The following CDH26 variants were observed in gnomAD, a reference collection of about 807,000 sequenced individuals.
The protein encoded by CDH26 is cadherin 26.
A neutral mutation model predicts 90.3 loss-of-function variants in CDH26; 83 were observed. The ratio of observed to expected loss-of-function variants is 0.92; its 90% CI spans 0.77 to 1.10. The LOEUF is 1.10. CDH26 is among the 50% of genes least tolerant of loss of function. The pLI is 0.00. For missense variants in CDH26, 1,013 were observed against 1,037.6 expected (o/e 0.98, Z 0.33); for synonymous variants, 397 against 396.3 (o/e 1.00, Z -0.02).
chr20:59,980,139 T>C (rs1266935765), intron 4 of CDH26, among the ~76,000 whole-genome samples: 1 of 152,212 alleles, frequency 6.6e-6, no homozygotes, highest in East Asian at 1.9e-4. Flanking sequence ...GTCAGGTTTT[T>C]TCAGTTTAGC....
At chr20:60,011,364 A>G (rs1456365135) in intron 17 of CDH26, among the ~76,000 whole-genome samples, 1 of 152,226 alleles carries the variant, frequency 6.6e-6, no homozygotes, top group African/African-American at 2.4e-5. Context: ...ATCAGCTCAC[A>G]TGTTAATTAG....
In CDH26 at chr20:59,987,516, C is replaced by T. The variant is rs11086690; in HGVS notation, c.901C>T (p.Arg301Ter). ...CGTGTTGCGTCTCCTGGTTCAAGATCGAGATTCTCCATTTACATCAGCTTG... is the reference window on the plus strand; with the variant it reads ...CGTGTTGCGTCTCCTGGTTCAAGATTGAGATTCTCCATTTACATCAGCTTG... ...QGVLRLLVQDRDSPFTSAWRA... is the reference protein window; with the variant it reads ...QGVLRLLVQD The change falls in exon 8 of 18, where the codon CGA becomes TGA. Residue 301 changes from arginine to a stop codon, truncating the protein, a stop_gained. Transcript: ENST00000348616. LOFTEE classifies it high-confidence loss of function. 1.9e-5 allele frequency: 30 copies of T among 1,613,650 alleles called. No homozygotes were observed. In the East Asian group the frequency reaches 5.8e-4, roughly 31 times the overall value.
At chr20:60,012,116 G>T (rs754166894) in intron 17 of CDH26, among the ~76,000 whole-genome samples, 1 of 152,010 alleles carries the variant, frequency 6.6e-6, no homozygotes, top group Admixed American at 6.5e-5. Flanking sequence ...GGAGAAAGGA[G>T]CCCACAGCAA....
intron 11 of CDH26, 25 bp downstream of exon 11, chr20:59,994,514 C>A (rs528212326): frequency 2.0e-5 from 32 of 1,609,296 alleles, no homozygotes; most frequent in Non-Finnish European, 2.6e-5. Context: ...TGGTTACGGG[C>A]AAAGAGTGGA....
rs575387971 is a variant in CDH26, at chr20:60,012,149, A to G, written c.2296-378A>G. 2.6e-5 allele frequency among the ~76,000 whole-genome samples: 4 copies of G among 151,930 alleles called. No homozygotes were observed. In the East Asian group the frequency reaches 7.8e-4, roughly 30 times the overall value. On this transcript the variant is annotated intron_variant, in intron 17 of 17. Transcript: ENST00000348616. ...CAAGAGGCCAGGTAAAGATGAAGAG[A>G]GAGGGGACAGTTGTCCAAACGAGGG... is the stretch of plus-strand genomic sequence containing the variant.
At position 59,987,492 on chromosome 20, in the gene CDH26, G is replaced by T; in HGVS notation, c.877G>T (p.Val293Leu). Residue 293 changes from valine to leucine, a missense_variant, in exon 8 of 18, where the codon GTG becomes TTG. Coordinates refer to ENST00000348616, the MANE Select transcript of CDH26 (RefSeq NM_177980.4). ...TCCTGAAGGCCGAGCCAGCCAGGGC[G>T]TGTTGCGTCTCCTGGTTCAAGATCG... ...QIPEGRASQG[V>L]LRLLVQDRDS... 6.2e-7 allele frequency: 1 copy of T among 1,613,328 alleles called. No individual in the cohort carries two copies. The highest frequency in any genetic ancestry group is 1.1e-5 in the South Asian group (1 of 90,882).
Position 59,992,455 on chromosome 20 carries a change from T to G in CDH26, c.1361T>G (p.Ile454Ser), listed in dbSNP as rs376611246. 8.1e-6 allele frequency: 13 copies of G among 1,613,988 alleles called. No individual in the cohort carries two copies. The highest frequency in any genetic ancestry group is 1.0e-5 in the Non-Finnish European group (12 of 1,179,986). ...NSGVVITVEPIDRESPHVNNS... is the reference protein window; with the variant it reads ...NSGVVITVEPSDRESPHVNNS... ...GGAGTGGTCATCACCGTGGAGCCAA[T>G]TGACCGAGAATCCCCTCATGTAAAT... The change falls in exon 10 of 18, where the codon ATT becomes AGT. Residue 454 changes from isoleucine to serine, a missense_variant. Coordinates refer to ENST00000348616, the MANE Select transcript of CDH26 (RefSeq NM_177980.4). The surrounding 1 kb of genome is among the most constrained non-coding windows in gnomAD (Gnocchi z 5.0).
intron 1 of CDH26, among the ~76,000 whole-genome samples, chr20:59,965,782 G>A (rs2061141159): frequency 6.6e-6 from 1 of 152,086 alleles, no homozygotes; most frequent in African/African-American, 2.4e-5. Flanking sequence ...TTTACTGGGT[G>A]GAATCTGAAA....
At chr20:59,983,342 AAG>A (rs1253397974) in intron 5 of CDH26, among the ~76,000 whole-genome samples, 2 of 152,186 alleles carry the variant, frequency 1.3e-5, no homozygotes, top group East Asian at 3.9e-4. Flanking sequence ...GTGAGGGAGA[AAG>A]AGCTGGGTGA....
chr20:60,030,430 C>T lies in CDH26; in HGVS notation c.948-801C>T, dbSNP rs2062031737. Among the ~76,000 whole-genome samples the T allele has an allele frequency of 6.6e-6, 1 of 151,310 alleles. No individual in the cohort carries two copies. Among genetic ancestry groups the T allele is most frequent in the African/African-American group, 2.4e-5 (1 of 41,116 alleles). ...GTTTTGTTTTTGTTTTTTTCAGTAT[C>T]CCTTCACCTTCTTCTAGGAAAACAT... On this transcript the variant is annotated intron_variant, in intron 7 of 8. Transcript: ENST00000370991. The surrounding 1 kb of genome is among the most constrained non-coding windows in gnomAD (Gnocchi z 4.0).
intron 16 of CDH26, among the ~76,000 whole-genome samples, chr20:60,005,562 C>G (rs2061737587): frequency 6.6e-6 from 1 of 152,024 alleles, no homozygotes; most frequent in South Asian, 2.1e-4. Context: ...CAGGCTTTAT[C>G]ATATTTTACA....
At position 59,996,268 on chromosome 20, in the gene CDH26, C is replaced by T. The variant is rs931086544; in HGVS notation, c.1888+214C>T. ...CTGGCCAGCAAAAGCAGCTTCTACT[C>T]ACAATGGAATCCACTGGTAAATATA... On this transcript the variant is annotated intron_variant, in intron 12 of 17. Transcript: ENST00000348616. 3 of 1,170,526 alleles carry T rather than the reference C, an allele frequency of 2.6e-6. No individual in the cohort carries two copies. In the Admixed American group the frequency reaches 8.7e-5, roughly 34 times the overall value. The allele number at this position is 1,170,526 out of a possible 1,614,324, so 72.5% of individuals were successfully genotyped here. A position where few individuals can be genotyped will look rare whatever the true frequency, so the allele number is the denominator to read the frequency against.
Position 59,988,998 on chromosome 20 carries a change from C to G in CDH26, c.1118C>G (p.Pro373Arg). 2 of 1,614,122 alleles carry G rather than the reference C, an allele frequency of 1.2e-6. No homozygotes were observed. Among genetic ancestry groups the G allele is most frequent in the Non-Finnish European group, 1.7e-6 (2 of 1,180,026 alleles). Reference protein sequence around the residue: ...LVFCERGKLQPPRKAAASATV... With the variant: ...LVFCERGKLQRPRKAAASATV... The stretch of plus-strand genomic sequence containing the variant: ...TTCTGTGAGAGAGGAAAGCTTCAGC[C>G]GCCAAGGAAGGCAGCAGCCAGCGCC... The change falls in exon 9 of 18, where the codon CCG becomes CGG. Residue 373 changes from proline (P) to arginine (R), a missense_variant. Transcript: ENST00000348616.
chr20:59,971,320 A>C (rs1211137031), intron 3 of CDH26, among the ~76,000 whole-genome samples: 1 of 152,164 alleles, frequency 6.6e-6, no homozygotes, highest in East Asian at 1.9e-4. Flanking sequence ...TTGCTGGGTA[A>C]GTTAGAGATT....
At position 59,992,491 on chromosome 20, in the gene CDH26, A is replaced by G. The variant is rs762043733; in HGVS notation, c.1397A>G (p.Tyr466Cys). 3.7e-6 allele frequency: 6 copies of G among 1,614,200 alleles called. No individual in the cohort carries two copies. Among genetic ancestry groups the G allele is most frequent in the Non-Finnish European group, 4.2e-6 (5 of 1,180,040 alleles). Residue 466 changes from tyrosine (Y) to cysteine (C), a missense_variant, in exon 10 of 18, where the codon TAT becomes TGT. Physicochemically the swap from Tyr to Cys is radical, Grantham distance 194. Coordinates refer to ENST00000348616, the MANE Select transcript of CDH26 (RefSeq NM_177980.4). This position sits in a 1 kb window ranked among gnomAD's most constrained non-coding sequence, Gnocchi z 5.0. ...TCCCCTCATGTAAATAACAGTTTTTATGTAATCATCATTCACGCTGTTGAT... is the reference window on the plus strand; with the variant it reads ...TCCCCTCATGTAAATAACAGTTTTTGTGTAATCATCATTCACGCTGTTGAT... ...RESPHVNNSF[Y>C]VIIIHAVDDG...
chr20:60,021,849 T>TACACACAC (rs757813328), intron 7 of CDH26, among the ~76,000 whole-genome samples: 36 of 42,624 alleles, frequency 8.4e-4, no homozygotes, highest in East Asian at 1.7e-3. Context: ...TCCTTATCTG[T>TACACACAC]ACACACACAC....
chr20:60,021,897 C>CATATGTATAT (rs2061960760), intron 7 of CDH26, among the ~76,000 whole-genome samples: 1 of 78,938 alleles, frequency 1.3e-5, no homozygotes, highest in Non-Finnish European at 3.0e-5. Context: ...CACACACACA[C>CATATGTATAT]ATATATATAT....
Position 59,989,016 on chromosome 20 carries a change from C to G in CDH26, c.1136C>G (p.Ala379Gly). ...CTTCAGCCGCCAAGGAAGGCAGCAG[C>G]CAGCGCCACTGTGAGTGTGCAGGTG... ...GKLQPPRKAAASATVSVQVTD... is the reference protein window; with the variant it reads ...GKLQPPRKAAGSATVSVQVTD... Residue 379 changes from alanine (A) to glycine (G), a missense_variant, in exon 9 of 18, where the codon GCC (alanine) becomes GGC (glycine). Transcript: ENST00000348616. 6.2e-7 allele frequency: 1 copy of G among 1,614,186 alleles called. No individual in the cohort carries two copies. Among genetic ancestry groups the G allele is most frequent in the Non-Finnish European group, 8.5e-7 (1 of 1,180,030 alleles).
chr20:60,010,649 T>C (rs566153577), intron 17 of CDH26, among the ~76,000 whole-genome samples: 1 of 152,216 alleles, frequency 6.6e-6, no homozygotes, highest in South Asian at 2.1e-4. Context: ...CAGACAGGAA[T>C]GAGCAGATAT....
Sources: allele counts gnomAD v4.1 joint callset (sites outside exome capture counted in the v4.1 genomes callset), GRCh38; gene constraint gnomAD v4.1.1; non-coding constraint Gnocchi (gnomAD v3.1); transcripts MANE v1.5; gene names NCBI Gene and HGNC (gene_info 2026-07-23, HGNC 2026-07-21).